NRXN1: variants seen among roughly 807,000 people sequenced by gnomAD.
NRXN1 encodes the protein neurexin 1, also known as neurexin-1.
A neutral mutation model predicts 150.9 loss-of-function variants in NRXN1; 39 were observed. The observed-to-expected ratio is 0.26, with a 90% CI of 0.20 to 0.34. The LOEUF (loss-of-function observed/expected upper bound fraction) is 0.34, where lower values mean the gene tolerates loss of function less well. Among genes scored for constraint, NRXN1 ranks in the 10% least tolerant of loss-of-function variants. NRXN1 has a pLI of 1.00. For missense variants in NRXN1, 1,815 were observed against 1,949.9 expected (o/e 0.93, Z 1.30); for synonymous variants, 924 against 757.0 (o/e 1.22, Z -3.62).
intron 2 of NRXN1, among the ~76,000 whole-genome samples, chr2:50,945,544 G>A (rs566601177): frequency 3.4e-4 from 51 of 150,796 alleles, no homozygotes; most frequent in Admixed American, 1.3e-3. Context: ...ATATGGCTAT[G>A]TTGCAATAAA....
intron 5 of NRXN1, among the ~76,000 whole-genome samples, chr2:50,880,086 C>A (rs999167100): frequency 1.3e-5 from 2 of 151,936 alleles, no homozygotes; most frequent in African/African-American, 4.8e-5. Context: ...TGCATTTCTG[C>A]AGTCAGATAT....
chr2:50,281,221 G>T (rs955927286), intron 17 of NRXN1, among the ~76,000 whole-genome samples: 7 of 151,810 alleles, frequency 4.6e-5, no homozygotes, highest in Admixed American at 2.0e-4. Context: ...GGAGGCTGAG[G>T]CAGGAGAATG....
intron 17 of NRXN1, among the ~76,000 whole-genome samples, chr2:50,419,283 C>T (rs753152487): frequency 2.6e-5 from 4 of 152,160 alleles, no homozygotes; most frequent in East Asian, 3.9e-4. Context: ...TTTCAGAAGA[C>T]ATACTTGGTA....
chr2:50,926,896 T>C (rs968361040), intron 2 of NRXN1, among the ~76,000 whole-genome samples: 1 of 151,868 alleles, frequency 6.6e-6, no homozygotes, highest in African/African-American at 2.4e-5. Context: ...AATATAAATA[T>C]ATAAGGTTTA....
chr2:50,431,358 A>G lies in NRXN1; in HGVS notation c.3364+34084T>C, dbSNP rs561111811. 1.8e-4 allele frequency among the ~76,000 whole-genome samples: 27 copies of G among 152,252 alleles called. No homozygotes were observed. The South Asian group carries it at 5.6e-3, about 32-fold the overall frequency. On this transcript the variant is annotated intron_variant, in intron 17 of 22. Coordinates refer to ENST00000401669, the MANE Select transcript of NRXN1 (RefSeq NM_001330078.2). ...ACAATCACCTAATCCAAGATACTTT[A>G]AAAACTCCCTTGGTTCTTTCTGTAG...
At chr2:50,870,410 G>A (rs1174774512) in intron 5 of NRXN1, among the ~76,000 whole-genome samples, 8 of 151,810 alleles carry the variant, frequency 5.3e-5, no homozygotes, top group Non-Finnish European at 8.8e-5. Flanking sequence ...GGATCCCCCC[G>A]CCTCAGCCTT....
At chr2:49,944,659 C>T (rs554637766) in intron 21 of NRXN1, among the ~76,000 whole-genome samples, 1 of 152,230 alleles carries the variant, frequency 6.6e-6, no homozygotes, top group South Asian at 2.1e-4. Flanking sequence ...GCAGTAAATT[C>T]AGCATAGATA....
chr2:50,661,351 C>A (rs1358464842), intron 5 of NRXN1, among the ~76,000 whole-genome samples: 2 of 152,036 alleles, frequency 1.3e-5, no homozygotes, highest in Non-Finnish European at 2.9e-5. Context: ...GAGATTGCTT[C>A]CTCACCTGAG....
chr2:50,323,755 T>C (rs2076201827), intron 17 of NRXN1, among the ~76,000 whole-genome samples: 1 of 152,200 alleles, frequency 6.6e-6, no homozygotes, highest in Admixed American at 6.5e-5. Flanking sequence ...TGCCTATGTG[T>C]ATCTGTTCAT....
chr2:50,119,023 T>C (rs1025723517), intron 18 of NRXN1, among the ~76,000 whole-genome samples: 1 of 152,110 alleles, frequency 6.6e-6, no homozygotes, highest in Non-Finnish European at 1.5e-5. Context: ...GATAAAGCTT[T>C]ACATTTACAT....
chr2:50,053,152 G>T, intron 21 of NRXN1, 119 bp downstream of exon 21: 2 of 955,044 alleles, frequency 2.1e-6, no homozygotes, highest in Non-Finnish European at 3.4e-6. Flanking sequence ...AGTTTCAAAG[G>T]AAGCTGTAGT....
At chr2:50,988,222 G>A (rs1436820168) in intron 2 of NRXN1, among the ~76,000 whole-genome samples, 1 of 151,862 alleles carries the variant, frequency 6.6e-6, no homozygotes. Context: ...CCAAATCAAT[G>A]ACTATTCCTG....
chr2:50,452,656 C>T (rs2087084523), intron 17 of NRXN1, among the ~76,000 whole-genome samples: 1 of 152,082 alleles, frequency 6.6e-6, no homozygotes, highest in African/African-American at 2.4e-5. Context: ...TAAGAATATA[C>T]AAACATGGGG....
At chr2:49,962,633 G>C (rs749238853) in intron 21 of NRXN1, among the ~76,000 whole-genome samples, 7 of 152,102 alleles carry the variant, frequency 4.6e-5, no homozygotes, top group Non-Finnish European at 1.0e-4. Context: ...GTAACACAAG[G>C]GAGTCCTGTG....
intron 17 of NRXN1, among the ~76,000 whole-genome samples, chr2:50,371,992 C>T (rs2080064389): frequency 6.6e-6 from 1 of 151,918 alleles, no homozygotes; most frequent in African/African-American, 2.4e-5. Context: ...TTATTTCTTT[C>T]CTATACCTTC....
intron 5 of NRXN1, among the ~76,000 whole-genome samples, chr2:50,837,307 T>A (rs1313716076): frequency 1.3e-5 from 2 of 152,108 alleles, no homozygotes; most frequent in African/African-American, 4.8e-5. Flanking sequence ...GTGATATCAA[T>A]CGTTTACTAG....
Position 50,376,906 on chromosome 2 carries a change from C to A in NRXN1, c.3364+88536G>T, listed in dbSNP as rs182913733. On this transcript the variant is annotated intron_variant, in intron 17 of 22. Transcript: ENST00000401669. ...GTGTGAGACTCAACAAGTCACATCA[C>A]CGCTCTGCGCTTCTGTTCCCAAATT... Among the ~76,000 whole-genome samples the A allele has an allele frequency of 1.6e-4, 24 of 152,076 alleles. No homozygotes were observed. In the East Asian group the frequency reaches 4.4e-3, roughly 28 times the overall value.
At chr2:50,529,524 T>G (rs2105193700) in intron 11 of NRXN1, among the ~76,000 whole-genome samples, 1 of 152,330 alleles carries the variant, frequency 6.6e-6, no homozygotes, top group South Asian at 2.1e-4. Flanking sequence ...TCATATTTAT[T>G]TTATATGTAT....
intron 5 of NRXN1, among the ~76,000 whole-genome samples, chr2:50,729,201 G>T (rs949183185): frequency 2.0e-5 from 3 of 151,826 alleles, no homozygotes; most frequent in African/African-American, 7.3e-5. Context: ...TCTTTGTTTT[G>T]ATTATAAATT....
Sources: allele counts gnomAD v4.1 joint callset (sites outside exome capture counted in the v4.1 genomes callset), GRCh38; gene constraint gnomAD v4.1.1; transcripts MANE v1.5; gene names NCBI Gene and HGNC (gene_info 2026-07-23, HGNC 2026-07-21).